Variants in LDAH observed in about 807,000 individuals in gnomAD.
LDAH encodes the protein lipid droplet-associated hydrolase.
A neutral mutation model predicts 29.6 loss-of-function variants in LDAH; 26 were observed. The ratio of observed to expected loss-of-function variants is 0.88; its 90% CI spans 0.64 to 1.22. The LOEUF (loss-of-function observed/expected upper bound fraction) is 1.22, where lower values mean the gene tolerates loss of function less well. LDAH is among the 50% of genes most tolerant of loss of function. The pLI is 0.00. For missense variants in LDAH, 344 were observed against 387.3 expected, an observed-to-expected ratio of 0.89 and a Z score of 0.94; for synonymous variants, 117 against 133.0, an observed-to-expected ratio of 0.88 and a Z score of 0.83.
At position 20,774,878 on chromosome 2, in the gene LDAH, C is replaced by T. The variant is rs1284715708; in HGVS notation, c.400G>A (p.Val134Met). The change falls in exon 4 of 7, where the codon GTG (valine) becomes ATG (methionine). Residue 134 changes from valine (V) to methionine (M), a missense_variant. By Grantham distance (21) the Val-to-Met change is conservative (BLOSUM62 1). Coordinates refer to ENST00000237822, the MANE Select transcript of LDAH (RefSeq NM_021925.4). ...CTGCCTATTGAATGGCCAATGAGCA[C>T]AAGTTTCATGTCCTTTGGCACATGA... Reference protein sequence around the residue: ...RTHVPKDMKLVLIGHSIGSYF... With the variant: ...RTHVPKDMKLMLIGHSIGSYF... The T allele has an allele frequency of 1.2e-6, 2 of 1,613,506 alleles. No homozygotes were observed. Among genetic ancestry groups the T allele is most frequent in the Non-Finnish European group, 1.7e-6 (2 of 1,179,968 alleles).
chr2:20,736,335 G>A (rs1312556798), intron 5 of LDAH, among the ~76,000 whole-genome samples: 2 of 152,014 alleles, frequency 1.3e-5, no homozygotes, highest in African/African-American at 4.8e-5. Flanking sequence ...CCAACTACTT[G>A]GGAGACTGAG....
intron 3 of LDAH, among the ~76,000 whole-genome samples, chr2:20,781,058 T>C (rs145370981): frequency 5.9e-5 from 9 of 152,210 alleles, no homozygotes; most frequent in Admixed American, 2.0e-4. Flanking sequence ...TATAACTTTT[T>C]TAGGTAATGT....
chr2:20,721,066 G>GA (rs1665614245), intron 5 of LDAH, among the ~76,000 whole-genome samples: 1 of 152,100 alleles, frequency 6.6e-6, no homozygotes, highest in Non-Finnish European at 1.5e-5. Flanking sequence ...TTGGTCTGGG[G>GA]AAAGATTTTT....
intron 4 of LDAH, among the ~76,000 whole-genome samples, chr2:20,767,536 C>A (rs1469301289): frequency 6.6e-6 from 1 of 152,198 alleles, no homozygotes; most frequent in Non-Finnish European, 1.5e-5. Flanking sequence ...GAGGGCGGCT[C>A]AGCACTGGCC....
intron 6 of LDAH, among the ~76,000 whole-genome samples, chr2:20,689,509 T>C (rs969294613): frequency 6.6e-6 from 1 of 152,196 alleles, no homozygotes; most frequent in Non-Finnish European, 1.5e-5. Flanking sequence ...AGACTATTCT[T>C]TCCACTAGTA....
At chr2:20,741,208 A>G (rs1667150502) in intron 4 of LDAH, among the ~76,000 whole-genome samples, 1 of 152,116 alleles carries the variant, frequency 6.6e-6, no homozygotes, top group Non-Finnish European at 1.5e-5. Flanking sequence ...ATTTTCTCTC[A>G]GTCTATGACT....
At chr2:20,791,179 C>CT (rs1211349948) in intron 2 of LDAH, among the ~76,000 whole-genome samples, 3 of 152,164 alleles carry the variant, frequency 2.0e-5, no homozygotes, top group Admixed American at 6.6e-5. Context: ...ATTTTTATAT[C>CT]TTTCAGTTTG....
In LDAH at chr2:20,774,912, G is replaced by C. The variant is rs753186049; in HGVS notation, c.366C>G (p.Phe122Leu). Reference sequence around the variant, plus strand: ...TGTCCTTTGGCACATGAGTTCTCAGGAAAGCTAGTTTGTGCTCTATTTGTC... The same window carrying C: ...TGTCCTTTGGCACATGAGTTCTCAGCAAAGCTAGTTTGTGCTCTATTTGTC... ...LNGQIEHKLAFLRTHVPKDMK... is the reference protein window; with the variant it reads ...LNGQIEHKLALLRTHVPKDMK... Residue 122 changes from phenylalanine to leucine, a missense_variant, in exon 4 of 7, where the codon TTC becomes TTG. Physicochemically the swap from Phe to Leu is conservative, Grantham distance 22. Coordinates refer to ENST00000237822, the MANE Select transcript of LDAH (RefSeq NM_021925.4). 8.1e-6 allele frequency: 13 copies of C among 1,613,678 alleles called. No individual in the cohort carries two copies. The highest frequency in any genetic ancestry group is 1.1e-5 in the Non-Finnish European group (13 of 1,179,940).
chr2:20,775,004 TTTCA>T (rs1669707677), intron 3 of LDAH, 25 bp from the exon 4 acceptor site: 5 of 1,564,048 alleles, frequency 3.2e-6, no homozygotes, highest in East Asian at 4.5e-5. Context: ...ATGAGCACGT[TTTCA>T]TTAAGTAAAA....
At position 20,700,221 on chromosome 2, in the gene LDAH, C is replaced by A. The variant is rs546252637; in HGVS notation, c.786+1349G>T. The stretch of plus-strand genomic sequence containing the variant: ...TGAAAGCCCTGGAGAGGGGGCCCTC[C>A]TGAGGCCCCAGCACTCTCCCTTCGG... On this transcript the variant is annotated intron_variant, in intron 6 of 6. Transcript: ENST00000237822. 5.3e-5 allele frequency among the ~76,000 whole-genome samples: 8 copies of A among 152,360 alleles called. No individual in the cohort carries two copies. The East Asian group carries it at 1.3e-3, about 26-fold the overall frequency.
At chr2:20,708,724 A>T (rs528858142) in intron 5 of LDAH, among the ~76,000 whole-genome samples, 2 of 152,276 alleles carry the variant, frequency 1.3e-5, no homozygotes, top group South Asian at 4.1e-4. Flanking sequence ...AAACTATAAA[A>T]CTCTCAGTAG....
intron 4 of LDAH, among the ~76,000 whole-genome samples, chr2:20,749,587 T>C (rs147302538): frequency 1.6e-3 from 239 of 152,298 alleles, no homozygotes; most frequent in Admixed American, 4.8e-3. Flanking sequence ...CCACAGAAGC[T>C]GCCCCAGGAC....
Position 20,685,523 on chromosome 2 carries a change from C to T in LDAH, c.*1380G>A. ...CTGTGATGTAGAAGCTATGCCAAAG[C>T]ACAGTAACTCATTCAGCACTTACCA... On this transcript the variant is annotated 3_prime_UTR_variant, in exon 7 of 7. Coordinates refer to ENST00000237822, the MANE Select transcript of LDAH (RefSeq NM_021925.4). The T allele has an allele frequency of 6.5e-7, 1 of 1,548,658 alleles. No individual in the cohort carries two copies. Among genetic ancestry groups the T allele is most frequent in the Non-Finnish European group, 8.7e-7 (1 of 1,146,174 alleles).
chr2:20,687,827 T>G (rs1481741568), intron 6 of LDAH, among the ~76,000 whole-genome samples: 1 of 152,242 alleles, frequency 6.6e-6, no homozygotes. Flanking sequence ...TCTAGTTCTG[T>G]TAGTTCTAAA....
At chr2:20,708,823 A>C (rs1246661396) in intron 5 of LDAH, among the ~76,000 whole-genome samples, 2 of 152,182 alleles carry the variant, frequency 1.3e-5, no homozygotes, top group Admixed American at 1.3e-4. Flanking sequence ...TAAATAAATA[A>C]ATTGGACTTC....
intron 4 of LDAH, among the ~76,000 whole-genome samples, chr2:20,750,424 C>A (rs1368573888): frequency 6.6e-6 from 1 of 152,188 alleles, no homozygotes; most frequent in East Asian, 1.9e-4. Flanking sequence ...GACTGGATAG[C>A]ATTGCTGATA....
intron 3 of LDAH, among the ~76,000 whole-genome samples, chr2:20,786,270 AC>A (rs1670544498): frequency 6.6e-6 from 1 of 151,974 alleles, no homozygotes; most frequent in Admixed American, 6.5e-5. Context: ...GCTCACTGCA[AC>A]CTCTGCCTCC....
chr2:20,757,992 T>C (rs999214649), intron 4 of LDAH, among the ~76,000 whole-genome samples: 29 of 152,290 alleles, frequency 1.9e-4, no homozygotes, highest in African/African-American at 6.3e-4. Flanking sequence ...CCCATAAACA[T>C]GTGAGCCAAT....
chr2:20,790,539 A>G, intron 2 of LDAH, 141 bp from the exon 3 acceptor site: 1 of 676,304 alleles, frequency 1.5e-6, no homozygotes, highest in Non-Finnish European at 2.5e-6. Flanking sequence ...TTATCTTCAA[A>G]CTTCCATTAA....
Sources: gnomAD v4.1 joint callset for allele counts (sites outside exome capture counted in the v4.1 genomes callset) on GRCh38, gnomAD v4.1.1 for gene constraint, MANE v1.5 for transcripts, NCBI Gene and HGNC (gene_info 2026-07-23, HGNC 2026-07-21) for gene names.